Variants in SCEL observed in about 807,000 individuals in gnomAD.
SCEL encodes sciellin.
In SCEL, 113 loss-of-function variants were observed where a neutral mutation model predicts 117.6. That is an observed-to-expected ratio of 0.96 (90% CI 0.83 to 1.12). SCEL has a LOEUF of 1.12. Among genes scored for constraint, SCEL ranks in the 50% most tolerant of loss-of-function variants. SCEL has a pLI of 0.00. For synonymous variants in SCEL, 270 were observed against 256.2 expected (o/e 1.05, Z -0.51); for missense variants, 785 against 810.8 (o/e 0.97, Z 0.39).
intron 3 of SCEL, among the ~76,000 whole-genome samples, chr13:77,557,095 A>G (rs2084702758): frequency 6.6e-6 from 1 of 152,238 alleles, no homozygotes. Flanking sequence ...ATAAACAAAA[A>G]GAGTGTAATT....
At chr13:77,568,271 T>G in intron 6 of SCEL, 24 bp from the exon 7 acceptor site, 4 of 1,507,548 alleles carry the variant, frequency 2.7e-6, no homozygotes, top group Non-Finnish European at 3.7e-6. Flanking sequence ...TTGTTCAAAC[T>G]TTGCTTTCTT....
rs191913184 is a variant in SCEL, at chr13:77,569,403, C to G, written c.431C>G (p.Ser144Cys). The G allele has an allele frequency of 6.2e-7, 1 of 1,613,964 alleles. No individual in the cohort carries two copies. The highest frequency in any genetic ancestry group is 1.7e-5 in the Admixed American group (1 of 60,008). Residue 144 changes from serine to cysteine, a missense_variant, in exon 8 of 33, where the codon TCC becomes TGC. Coordinates refer to ENST00000349847, the MANE Select transcript of SCEL (RefSeq NM_144777.3). ...GGCGGTTCATTGAATGCCAACACCTCCAACACCATAGCATCCACTTCTGCT... is the reference window on the plus strand; with the variant it reads ...GGCGGTTCATTGAATGCCAACACCTGCAACACCATAGCATCCACTTCTGCT... Reference protein sequence around the residue: ...QPGGSLNANTSNTIASTSATT... With the variant: ...QPGGSLNANTCNTIASTSATT...
At chr13:77,565,263 A>C (rs540425791) in intron 5 of SCEL, among the ~76,000 whole-genome samples, 1 of 152,246 alleles carries the variant, frequency 6.6e-6, no homozygotes, top group East Asian at 1.9e-4. Context: ...AACTTTATTG[A>C]TGCCTTGGTC....
chr13:77,560,188 T>C (rs1228407054), intron 4 of SCEL, among the ~76,000 whole-genome samples: 1 of 150,280 alleles, frequency 6.7e-6, no homozygotes, highest in African/African-American at 2.5e-5. Context: ...CCCAACACTT[T>C]GGGAGGCCAA....
At chr13:77,591,315 A>G in intron 10 of SCEL, 80 bp from the exon 11 acceptor site, 2 of 874,762 alleles carry the variant, frequency 2.3e-6, no homozygotes, top group South Asian at 3.0e-5. Context: ...TTTGTACATA[A>G]ATTTTTTAAA....
Position 77,627,936 on chromosome 13 carries a change from T to C in SCEL, c.1629-11T>C, listed in dbSNP as rs1244064149. On this transcript the variant is annotated splice_polypyrimidine_tract_variant and intron_variant, in intron 27 of 32. Coordinates refer to ENST00000349847, the MANE Select transcript of SCEL (RefSeq NM_144777.3). ...TTGTAATTATTCATATATATATATT[T>C]TTTTCCTTAGAGACCAGAACCTGGA... 2 of 1,261,582 alleles carry C rather than the reference T, an allele frequency of 1.6e-6. No homozygotes were observed. The highest frequency in any genetic ancestry group is 2.2e-6 in the Non-Finnish European group (2 of 897,928). 78.1% of individuals were successfully genotyped at this position (1,261,582 alleles called of 1,614,324 possible).
chr13:77,556,471 A>G, intron 2 of SCEL, 125 bp from the exon 3 acceptor site: 1 of 752,974 alleles, frequency 1.3e-6, no homozygotes, highest in Non-Finnish European at 2.3e-6. Flanking sequence ...TTGAAACAGT[A>G]CTGGACTTGC....
At chr13:77,597,886 G>C (rs1053099758) in intron 13 of SCEL, among the ~76,000 whole-genome samples, 3 of 151,946 alleles carry the variant, frequency 2.0e-5, no homozygotes, top group Non-Finnish European at 4.4e-5. Flanking sequence ...AATGTAAACA[G>C]AATTTGGTTT....
chr13:77,636,708 A>T (rs1372177202), intron 29 of SCEL, among the ~76,000 whole-genome samples: 1 of 152,168 alleles, frequency 6.6e-6, no homozygotes, highest in Admixed American at 6.5e-5. Context: ...GCTTTTTCTA[A>T]AAGTTCAAGA....
chr13:77,634,601 A>C lies in SCEL; in HGVS notation c.1763+151A>C, dbSNP rs139791536. 3 of 517,986 alleles carry C rather than the reference A, an allele frequency of 5.8e-6. No homozygotes were observed. In the South Asian group the frequency reaches 1.0e-4, roughly 18 times the overall value. The allele number at this position is 517,986 out of a possible 1,614,324, so 32.1% of individuals were successfully genotyped here. The stretch of plus-strand genomic sequence containing the variant: ...GAGTTCTATATATATATAATTCTCT[A>C]TAATGTTTCTGATATTATGTACTTG... On this transcript the variant is annotated intron_variant, in intron 29 of 32. Coordinates refer to ENST00000349847, the MANE Select transcript of SCEL (RefSeq NM_144777.3).
At chr13:77,559,288 T>C (rs540097742) in intron 3 of SCEL, among the ~76,000 whole-genome samples, 1 of 152,256 alleles carries the variant, frequency 6.6e-6, no homozygotes, top group Non-Finnish European at 1.5e-5. Context: ...AAAAGTAGGC[T>C]AGGTCTCCTG....
At chr13:77,575,493 A>G (rs777594831) in intron 9 of SCEL, among the ~76,000 whole-genome samples, 1 of 152,200 alleles carries the variant, frequency 6.6e-6, no homozygotes, top group African/African-American at 2.4e-5. Flanking sequence ...CTAAAGAAAA[A>G]ATGAAATTTC....
chr13:77,559,729 A>G, intron 3 of SCEL, 75 bp from the exon 4 acceptor site: 2 of 1,331,140 alleles, frequency 1.5e-6, no homozygotes, highest in South Asian at 1.3e-5. Context: ...GCTCGCCCGC[A>G]TGTCTCTCTC....
chr13:77,567,674 A>G lies in SCEL; in HGVS notation c.291-6A>G, dbSNP rs369897532. ...ATCCAGACTTTTGTCTTGTTTCTTT[A>G]TAAAGGATCTCAGACAGAAATGATG... On this transcript the variant is annotated splice_region_variant and splice_polypyrimidine_tract_variant and intron_variant, in intron 5 of 32. Coordinates refer to ENST00000349847, the MANE Select transcript of SCEL (RefSeq NM_144777.3). 25 of 1,601,468 alleles carry G rather than the reference A, an allele frequency of 1.6e-5. No homozygotes were observed. The African/African-American group carries it at 3.2e-4, about 21-fold the overall frequency.
intron 9 of SCEL, among the ~76,000 whole-genome samples, chr13:77,574,818 A>G (rs963483398): frequency 2.0e-5 from 3 of 152,206 alleles, no homozygotes; most frequent in African/African-American, 7.2e-5. Context: ...TCAATGTTAA[A>G]CATTTCCCTT....
intron 23 of SCEL, among the ~76,000 whole-genome samples, chr13:77,613,498 G>A (rs2088813651): frequency 6.6e-6 from 1 of 152,090 alleles, no homozygotes; most frequent in Admixed American, 6.6e-5. Context: ...AGATAATGTT[G>A]GTGAAAAGCA....
intron 30 of SCEL, among the ~76,000 whole-genome samples, chr13:77,639,901 A>C (rs1186700228): frequency 1.3e-5 from 2 of 152,174 alleles, no homozygotes; most frequent in African/African-American, 4.8e-5. Context: ...AAGACCTTAA[A>C]AAAGGAAAAG....
At chr13:77,612,679 G>T (rs2088749853) in intron 22 of SCEL, among the ~76,000 whole-genome samples, 1 of 151,294 alleles carries the variant, frequency 6.6e-6, no homozygotes, top group Non-Finnish European at 1.5e-5. Context: ...TAACGTGAAA[G>T]AAACAAAAAT....
At chr13:77,634,684 T>TATACATAATA in intron 29 of SCEL, among the ~76,000 whole-genome samples, 1 of 152,346 alleles carries the variant, frequency 6.6e-6, no homozygotes. Flanking sequence ...ATAACACATG[T>TATACATAATA]ATACATAATA....
Sources: gnomAD v4.1 joint callset for allele counts (sites outside exome capture counted in the v4.1 genomes callset) on GRCh38, gnomAD v4.1.1 for gene constraint, MANE v1.5 for transcripts, NCBI Gene and HGNC (gene_info 2026-07-23, HGNC 2026-07-21) for gene names.